The following BMPR1B variants were observed in gnomAD, a reference collection of about 807,000 sequenced individuals.
The protein encoded by BMPR1B is bone morphogenetic protein receptor type 1B.
In BMPR1B, 12 loss-of-function variants were observed where a neutral mutation model predicts 59.1. That is an observed-to-expected ratio of 0.20 (90% confidence interval 0.13 to 0.33). BMPR1B has a LOEUF of 0.33. Ranked by LOEUF, BMPR1B falls within the 10% of genes least tolerant of loss-of-function variation. BMPR1B has a pLI of 1.00. For missense variants in BMPR1B, 550 were observed against 610.9 expected (o/e 0.90, Z 1.05); for synonymous variants, 237 against 207.3 (o/e 1.14, Z -1.23).
intron 2 of BMPR1B, among the ~76,000 whole-genome samples, chr4:94,903,976 C>T (rs756326175): frequency 6.6e-6 from 1 of 152,042 alleles, no homozygotes; most frequent in African/African-American, 2.4e-5. Flanking sequence ...CAAACTAATA[C>T]ACTTAGTGAA....
chr4:95,120,589 A>T (rs1364065566), intron 6 of BMPR1B, among the ~76,000 whole-genome samples: 1 of 117,478 alleles, frequency 8.5e-6, no homozygotes, highest in Non-Finnish European at 1.9e-5. Flanking sequence ...GAATATACAA[A>T]AAATCAGTCA....
intron 4 of BMPR1B, among the ~76,000 whole-genome samples, chr4:95,113,173 A>G (rs1731754875): frequency 6.6e-6 from 1 of 152,174 alleles, no homozygotes; most frequent in African/African-American, 2.4e-5. Flanking sequence ...ACATTTTTAT[A>G]GCAATTTCAG....
At chr4:94,881,106 G>A (rs1726950987) in intron 2 of BMPR1B, among the ~76,000 whole-genome samples, 1 of 152,046 alleles carries the variant, frequency 6.6e-6, no homozygotes, top group Non-Finnish European at 1.5e-5. Context: ...TGGTTCTGTG[G>A]CATTCAGTAT....
intron 1 of BMPR1B, among the ~76,000 whole-genome samples, chr4:94,830,845 G>C (rs1184633843): frequency 3.3e-5 from 5 of 152,156 alleles, no homozygotes; most frequent in Non-Finnish European, 5.9e-5. Flanking sequence ...GGTGATGCTG[G>C]TGTAAACAAA....
At chr4:94,853,558 G>T (rs2148949206) in intron 1 of BMPR1B, among the ~76,000 whole-genome samples, 1 of 152,146 alleles carries the variant, frequency 6.6e-6, no homozygotes, top group East Asian at 1.9e-4. Flanking sequence ...TCATAAATAA[G>T]GTAACTTTTA....
At chr4:94,948,278 G>T (rs1729793868) in intron 2 of BMPR1B, among the ~76,000 whole-genome samples, 1 of 152,200 alleles carries the variant, frequency 6.6e-6, no homozygotes, top group African/African-American at 2.4e-5. Flanking sequence ...TAATGCACCA[G>T]AATCCCTTTG....
intron 3 of BMPR1B, among the ~76,000 whole-genome samples, chr4:95,067,148 T>C (rs1222377506): frequency 6.6e-6 from 1 of 152,198 alleles, no homozygotes; most frequent in Non-Finnish European, 1.5e-5. Context: ...TGCTATAAAT[T>C]ATAGGTGCTT....
intron 1 of BMPR1B, among the ~76,000 whole-genome samples, chr4:94,839,446 G>C (rs1724956008): frequency 6.8e-6 from 1 of 147,528 alleles, no homozygotes; most frequent in South Asian, 2.2e-4. Context: ...GGGTGCTCCT[G>C]TATTGGGTGC....
At chr4:94,826,757 A>G (rs1281238562) in intron 1 of BMPR1B, among the ~76,000 whole-genome samples, 1 of 152,182 alleles carries the variant, frequency 6.6e-6, no homozygotes, top group African/African-American at 2.4e-5. Flanking sequence ...GGAAAGGTAA[A>G]TATATGCTTA....
At chr4:94,889,257 TA>T (rs1312906287) in intron 2 of BMPR1B, among the ~76,000 whole-genome samples, 4 of 152,108 alleles carry the variant, frequency 2.6e-5, no homozygotes, top group African/African-American at 9.7e-5. Flanking sequence ...ATTTTTATCG[TA>T]ATTTGCCTGT....
At chr4:95,112,664 A>G (rs1438252650) in intron 4 of BMPR1B, among the ~76,000 whole-genome samples, 2 of 151,984 alleles carry the variant, frequency 1.3e-5, no homozygotes, top group Non-Finnish European at 2.9e-5. Flanking sequence ...AGGGGAAGGG[A>G]CTATTTTCTC....
chr4:94,927,689 G>A (rs1467195158), intron 2 of BMPR1B, among the ~76,000 whole-genome samples: 1 of 152,096 alleles, frequency 6.6e-6, no homozygotes, highest in East Asian at 1.9e-4. Context: ...TTAAATCCCA[G>A]GCCAAGGAGT....
intron 3 of BMPR1B, among the ~76,000 whole-genome samples, chr4:95,022,833 A>G (rs925289099): frequency 2.6e-5 from 4 of 152,164 alleles, no homozygotes; most frequent in African/African-American, 2.4e-5. Flanking sequence ...TAAAGGAATG[A>G]TAAAGATTTA....
chr4:95,071,646 G>GTA (rs1179814583), intron 3 of BMPR1B, among the ~76,000 whole-genome samples: 43 of 86,576 alleles, frequency 5.0e-4, no homozygotes, highest in African/African-American at 1.9e-3. Flanking sequence ...GTGTGTGTGT[G>GTA]TGTGTGTATA....
At chr4:94,908,093 A>AG (rs1728125300) in intron 2 of BMPR1B, among the ~76,000 whole-genome samples, 4 of 118,772 alleles carry the variant, frequency 3.4e-5, no homozygotes, top group South Asian at 2.6e-4. Flanking sequence ...AAAAAAAAGA[A>AG]AAAACAAAAA....
At chr4:94,926,425 T>G (rs1314662333) in intron 2 of BMPR1B, among the ~76,000 whole-genome samples, 1 of 152,096 alleles carries the variant, frequency 6.6e-6, no homozygotes, top group Non-Finnish European at 1.5e-5. Flanking sequence ...AATTATTATT[T>G]AAATTCAAGA....
chr4:95,148,670 C>T (rs886100782), intron 10 of BMPR1B, 78 bp from the exon 11 acceptor site: 3 of 1,430,992 alleles, frequency 2.1e-6, no homozygotes, highest in African/African-American at 2.8e-5. Flanking sequence ...TAACTAAAGC[C>T]ATTGTTTCAG....
intron 8 of BMPR1B, among the ~76,000 whole-genome samples, chr4:95,127,071 T>TGTGTGTGTGTGTGTGTGTG (rs70946593): frequency 6.6e-6 from 1 of 151,600 alleles, no homozygotes. Flanking sequence ...TGTGTGTGTG[T>TGTGTGTGTGTGTGTGTGTG]TCTGTGTATG....
chr4:94,780,644 G>C (rs1365698771), intron 1 of BMPR1B, among the ~76,000 whole-genome samples: 1 of 147,312 alleles, frequency 6.8e-6, no homozygotes, highest in Non-Finnish European at 1.5e-5. Context: ...TATATGAGGT[G>C]TCAGTTTCTC....
Sources: allele counts gnomAD v4.1 joint callset (sites outside exome capture counted in the v4.1 genomes callset), GRCh38; gene constraint gnomAD v4.1.1; transcripts MANE v1.5; gene names NCBI Gene and HGNC (gene_info 2026-07-23, HGNC 2026-07-21).